SAMSN1: variants seen among roughly 807,000 people sequenced by gnomAD.
SAMSN1 encodes the protein SAM domain-containing protein SAMSN-1.
Under a neutral mutation model 42.0 loss-of-function variants are expected in SAMSN1, and 31 were observed. That is an observed-to-expected ratio of 0.74 (90% CI 0.55 to 1.00). SAMSN1 has a LOEUF of 1.00. SAMSN1 is among the 50% of genes least tolerant of loss of function. The probability of loss-of-function intolerance (pLI) is 0.00; values close to 1 mark genes in which losing one functional copy is unlikely to be tolerated. For synonymous variants in SAMSN1, 178 were observed against 151.9 expected (o/e 1.17, Z -1.26); for missense variants, 464 against 439.4 (o/e 1.06, Z -0.50).
chr21:14,519,340 C>G (rs1978324661), intron 2 of SAMSN1, among the ~76,000 whole-genome samples: 1 of 152,070 alleles, frequency 6.6e-6, no homozygotes, highest in Admixed American at 6.6e-5. Context: ...CATTATTAAC[C>G]AATGAACCTG....
At chr21:14,599,454 A>G (rs466933) in intron 6 of SAMSN1, among the ~76,000 whole-genome samples, 152,322 of 152,322 alleles carry the variant, frequency 1, 76,161 homozygotes, top group Non-Finnish European at 1. Context: ...CAGCAAGGCA[A>G]AACTGTGAGT....
intron 2 of SAMSN1, among the ~76,000 whole-genome samples, chr21:14,629,233 A>G (rs1299493086): frequency 6.6e-6 from 1 of 152,224 alleles, no homozygotes; most frequent in Non-Finnish European, 1.5e-5. Context: ...ATTTAGTACT[A>G]TTTGAAGACA....
At chr21:14,495,432 C>T (rs752165530) in intron 7 of SAMSN1, among the ~76,000 whole-genome samples, 1 of 152,186 alleles carries the variant, frequency 6.6e-6, no homozygotes, top group South Asian at 2.1e-4. Context: ...ATAGCCTAAC[C>T]TGCAATATGC....
chr21:14,613,546 T>C (rs9983520), intron 3 of SAMSN1, among the ~76,000 whole-genome samples: 1 of 152,126 alleles, frequency 6.6e-6, no homozygotes, highest in Non-Finnish European at 1.5e-5. Flanking sequence ...TAAAACTGAG[T>C]TTACCATTTT....
At chr21:14,499,705 T>A (rs558812442) in intron 6 of SAMSN1, among the ~76,000 whole-genome samples, 71 of 152,272 alleles carry the variant, frequency 4.7e-4, no homozygotes, top group African/African-American at 1.5e-3. Flanking sequence ...GGCAAGATGC[T>A]AACCCGTACA....
At chr21:14,499,127 A>G (rs955372361) in intron 6 of SAMSN1, among the ~76,000 whole-genome samples, 1 of 152,196 alleles carries the variant, frequency 6.6e-6, no homozygotes, top group Non-Finnish European at 1.5e-5. Flanking sequence ...GAAAGGCATT[A>G]TGTAAACCAA....
intron 1 of SAMSN1, among the ~76,000 whole-genome samples, chr21:14,644,144 G>A (rs1254623434): frequency 6.6e-6 from 1 of 152,160 alleles, no homozygotes; most frequent in Non-Finnish European, 1.5e-5. Flanking sequence ...TAAGCCCAGA[G>A]ACAGTAGACT....
At chr21:14,616,753 A>G (rs1054655688) in intron 2 of SAMSN1, among the ~76,000 whole-genome samples, 7 of 152,184 alleles carry the variant, frequency 4.6e-5, no homozygotes, top group Admixed American at 3.9e-4. Context: ...TTTGTTTGGC[A>G]TGGTAGGAAT....
intron 2 of SAMSN1, among the ~76,000 whole-genome samples, chr21:14,575,102 A>G (rs1233389465): frequency 6.6e-6 from 1 of 152,162 alleles, no homozygotes; most frequent in East Asian, 1.9e-4. Context: ...TCTCAAGTTC[A>G]TAGACTGGAT....
intron 1 of SAMSN1, among the ~76,000 whole-genome samples, chr21:14,543,058 C>T (rs1980145627): frequency 6.6e-6 from 1 of 152,162 alleles, no homozygotes; most frequent in Non-Finnish European, 1.5e-5. Flanking sequence ...TATTATTCTC[C>T]TATTTCTTTT....
At chr21:14,530,178 G>A (rs1002333361) in intron 1 of SAMSN1, among the ~76,000 whole-genome samples, 3 of 151,970 alleles carry the variant, frequency 2.0e-5, no homozygotes, top group East Asian at 1.9e-4. Context: ...TTAGCCGGGC[G>A]TGGTGGCGGG....
intron 2 of SAMSN1, among the ~76,000 whole-genome samples, chr21:14,577,234 GTGTGTATA>G (rs1224550455): frequency 0.013 from 273 of 21,324 alleles, 28 homozygotes; most frequent in African/African-American, 0.046. Flanking sequence ...TTATATATAT[GTGTGTATA>G]TATATATATA....
chr21:14,638,587 G>A (rs758273013), intron 2 of SAMSN1, among the ~76,000 whole-genome samples: 13 of 152,018 alleles, frequency 8.6e-5, no homozygotes, highest in African/African-American at 2.2e-4. Context: ...TTTTTAGCTC[G>A]TGCATGATAC....
At chr21:14,551,822 G>T (rs1980605522) in intron 2 of SAMSN1, among the ~76,000 whole-genome samples, 1 of 152,006 alleles carries the variant, frequency 6.6e-6, no homozygotes, top group Admixed American at 6.6e-5. Flanking sequence ...CTTCCTGGTG[G>T]GGTTTGGTAA....
Position 14,628,807 on chromosome 21 carries a change from A to G in SAMSN1, c.157-12791T>C, listed in dbSNP as rs147260678. On this transcript the variant is annotated intron_variant, in intron 2 of 15. Transcript: ENST00000647101. ...TGATTTTACACATTTGCAGAATAATAACGGTGGAATACATACAGTATCAAG... is the reference window on the plus strand; with the variant it reads ...TGATTTTACACATTTGCAGAATAATGACGGTGGAATACATACAGTATCAAG... Among the ~76,000 whole-genome samples, 9 of 152,320 alleles carry G rather than the reference A, an allele frequency of 5.9e-5. No homozygotes were observed. In the East Asian group the frequency reaches 1.7e-3, roughly 29 times the overall value.
intron 2 of SAMSN1, among the ~76,000 whole-genome samples, chr21:14,568,750 T>G (rs1981197570): frequency 6.6e-6 from 1 of 152,186 alleles, no homozygotes; most frequent in Non-Finnish European, 1.5e-5. Context: ...GAAAGATTTC[T>G]CCACTGAAAC....
At chr21:14,640,077 A>G (rs1568840439) in intron 2 of SAMSN1, among the ~76,000 whole-genome samples, 1 of 152,200 alleles carries the variant, frequency 6.6e-6, no homozygotes, top group Non-Finnish European at 1.5e-5. Flanking sequence ...ACACTGGATC[A>G]TCTCCTTTGA....
chr21:14,582,495 G>T, intron 1 of SAMSN1: 2 of 982,280 alleles, frequency 2.0e-6, no homozygotes, highest in South Asian at 1.5e-5. Context: ...TCTTCTGAAT[G>T]ACAAAGAAAT....
At chr21:14,596,981 T>C (rs1428897239) in intron 6 of SAMSN1, among the ~76,000 whole-genome samples, 1 of 152,174 alleles carries the variant, frequency 6.6e-6, no homozygotes, top group Admixed American at 6.6e-5. Flanking sequence ...AATACAATAG[T>C]TAAAAGTCAT....
Sources: allele counts gnomAD v4.1 joint callset (sites outside exome capture counted in the v4.1 genomes callset), GRCh38; gene constraint gnomAD v4.1.1; transcripts MANE v1.5; gene names NCBI Gene and HGNC (gene_info 2026-07-23, HGNC 2026-07-21).